PPM1D: variants seen among roughly 807,000 people sequenced by gnomAD.
The protein encoded by PPM1D is protein phosphatase 1D.
PPM1D carries 52 observed loss-of-function variants against 58.3 expected under a neutral mutation model. That is an observed-to-expected ratio of 0.89 (90% CI 0.71 to 1.12). PPM1D has a LOEUF of 1.12. Among genes scored for constraint, PPM1D ranks in the 50% most tolerant of loss-of-function variants. The pLI is 0.00. For missense variants in PPM1D, 564 were observed against 777.2 expected (o/e 0.73, Z 3.26); for synonymous variants, 278 against 285.1 (o/e 0.98, Z 0.25).
chr17:60,651,700 C>T lies in PPM1D; in HGVS notation c.1017+3618C>T, dbSNP rs141675143. On this transcript the variant is annotated intron_variant, in intron 4 of 5. Transcript: ENST00000305921. ...TGTGAACCACCATGCCAAGCCACCACGCCCAGCCGACAGTGTTTTTTATTT... is the reference window on the plus strand; with the variant it reads ...TGTGAACCACCATGCCAAGCCACCATGCCCAGCCGACAGTGTTTTTTATTT... Among the ~76,000 whole-genome samples the T allele has an allele frequency of 6.2e-4, 95 of 152,128 alleles. No individual in the cohort carries two copies. In the East Asian group the frequency reaches 0.014, roughly 23 times the overall value.
intron 1 of PPM1D, among the ~76,000 whole-genome samples, chr17:60,618,383 A>G (rs979611010): frequency 2.6e-5 from 4 of 152,204 alleles, no homozygotes; most frequent in Non-Finnish European, 4.4e-5. Flanking sequence ...GTTACCTGCA[A>G]TGTACCAGTT....
Position 60,665,751 on chromosome 17 carries a change from G to A in PPM1D, c.*2199G>A, listed in dbSNP as rs1288718541. ...TGGTTTTGGTCAAGCTACCAACCAGGGCTACAATCTTTCGAAGGTGTCATT... is the reference window on the plus strand; with the variant it reads ...TGGTTTTGGTCAAGCTACCAACCAGAGCTACAATCTTTCGAAGGTGTCATT... On this transcript the variant is annotated 3_prime_UTR_variant, in exon 6 of 6. Coordinates refer to ENST00000305921, the MANE Select transcript of PPM1D (RefSeq NM_003620.4). The A allele has an allele frequency of 2.6e-5, 4 of 152,116 alleles. No individual in the cohort carries two copies. 9.4% of individuals were successfully genotyped at this position (152,116 alleles called of 1,614,324 possible).
At chr17:60,612,768 A>G (rs1324842006) in intron 1 of PPM1D, among the ~76,000 whole-genome samples, 1 of 152,170 alleles carries the variant, frequency 6.6e-6, no homozygotes, top group Non-Finnish European at 1.5e-5. Context: ...ACGAGAATAA[A>G]TAAGAAACAG....
intron 1 of PPM1D, among the ~76,000 whole-genome samples, chr17:60,611,228 C>T (rs2030447256): frequency 2.6e-5 from 4 of 152,116 alleles, no homozygotes; most frequent in African/African-American, 9.7e-5. Context: ...ACCATGTTGG[C>T]TAGGCTAGTC....
intron 5 of PPM1D, among the ~76,000 whole-genome samples, chr17:60,657,326 T>C (rs1466464752): frequency 1.3e-5 from 2 of 152,232 alleles, no homozygotes; most frequent in African/African-American, 2.4e-5. Flanking sequence ...CTATTTCTTA[T>C]CCATGTTAAT....
At chr17:60,662,914 A>G (rs1346787056) in intron 5 of PPM1D, 81 bp from the exon 6 acceptor site, 16 of 1,337,162 alleles carry the variant, frequency 1.2e-5, no homozygotes, top group Non-Finnish European at 1.6e-5. Context: ...TAGCTTCATA[A>G]GAAGCCTAAT....
In PPM1D at chr17:60,665,512, A is replaced by C. The variant is rs1186352286; in HGVS notation, c.*1960A>C. Reference sequence around the variant, plus strand: ...TGTGAGCCACCGTGCCCAGCCAACTATGCCATTATTTAACCATGTCCACAC... The same window carrying C: ...TGTGAGCCACCGTGCCCAGCCAACTCTGCCATTATTTAACCATGTCCACAC... On this transcript the variant is annotated 3_prime_UTR_variant, in exon 6 of 6. Coordinates refer to ENST00000305921, the MANE Select transcript of PPM1D (RefSeq NM_003620.4). The C allele has an allele frequency of 6.6e-6, 1 of 152,242 alleles. No individual in the cohort carries two copies. Among genetic ancestry groups the C allele is most frequent in the Non-Finnish European group, 1.5e-5 (1 of 68,070 alleles). The allele number at this position is 152,242 out of a possible 1,614,324, so 9.4% of individuals were successfully genotyped here.
chr17:60,633,529 G>C (rs917139636), intron 2 of PPM1D, among the ~76,000 whole-genome samples: 5 of 151,964 alleles, frequency 3.3e-5, no homozygotes, highest in Non-Finnish European at 7.4e-5. Flanking sequence ...TCTCCACTTA[G>C]ATAAGGCCTT....
intron 1 of PPM1D, among the ~76,000 whole-genome samples, chr17:60,606,466 T>C (rs920199105): frequency 2.0e-5 from 3 of 152,226 alleles, no homozygotes; most frequent in Non-Finnish European, 4.4e-5. Context: ...TTTAAGGACT[T>C]GCCAAACTGT....
intron 1 of PPM1D, among the ~76,000 whole-genome samples, chr17:60,613,807 C>T (rs538743730): frequency 7.2e-5 from 11 of 152,298 alleles, no homozygotes; most frequent in South Asian, 2.1e-4. Flanking sequence ...GCTGGCCCAC[C>T]GGCGCTGCGC....
At chr17:60,606,953 A>G (rs1014208093) in intron 1 of PPM1D, among the ~76,000 whole-genome samples, 1 of 151,488 alleles carries the variant, frequency 6.6e-6, no homozygotes. Flanking sequence ...TGTGCCTGCA[A>G]AGTAGCTGAG....
At chr17:60,653,968 G>C (rs912177109) in intron 4 of PPM1D, among the ~76,000 whole-genome samples, 11 of 152,080 alleles carry the variant, frequency 7.2e-5, no homozygotes, top group African/African-American at 2.7e-4. Context: ...CATGTTACCT[G>C]CAAACAAGGC....
intron 1 of PPM1D, among the ~76,000 whole-genome samples, chr17:60,614,576 G>A (rs1269524526): frequency 6.6e-6 from 1 of 152,042 alleles, no homozygotes; most frequent in African/African-American, 2.4e-5. Flanking sequence ...TTGGCAACAC[G>A]GTGGGGTGGC....
intron 1 of PPM1D, among the ~76,000 whole-genome samples, chr17:60,612,820 AT>A (rs2143634094): frequency 6.6e-6 from 1 of 152,196 alleles, no homozygotes; most frequent in Non-Finnish European, 1.5e-5. Context: ...ATTCACTGTC[AT>A]TTTCCAAGAG....
rs939821583 is a variant in PPM1D at position 60,600,218 on chromosome 17, C to G, written c.-197C>G. ...AGTGCGCAGGCGCAACTGCCTGGCT[C>G]TGCTCGCTCCGGCGCTCCGGCCCAG... On this transcript the variant is annotated 5_prime_UTR_variant, in exon 1 of 6. Transcript: ENST00000305921. The G allele has an allele frequency of 8.9e-7, 1 of 1,126,540 alleles. No homozygotes were observed. The highest frequency in any genetic ancestry group is 1.2e-6 in the Non-Finnish European group (1 of 825,114). 69.8% of individuals were successfully genotyped at this position (1,126,540 alleles called of 1,614,324 possible).
Position 60,663,507 on chromosome 17 carries a change from A to C in PPM1D, c.1773A>C (p.Gly591=). Residue 591 remains glycine (G), a synonymous_variant, in exon 6 of 6, where the codon GGA becomes GGC. Transcript: ENST00000305921. ...GACTTAGGGGCCAGAAGAAAATTGG[A>C]AATCCTTTACTTCATCAACACAGGA... ...RRRLRGQKKI[G]NPLLHQHRKT... is the part of the protein sequence containing the mutation. 6.2e-7 allele frequency: 1 copy of C among 1,612,566 alleles called. No individual in the cohort carries two copies. Among genetic ancestry groups the C allele is most frequent in the Non-Finnish European group, 8.5e-7 (1 of 1,180,008 alleles).
At chr17:60,602,847 A>C (rs140851848) in intron 1 of PPM1D, among the ~76,000 whole-genome samples, 1 of 152,022 alleles carries the variant, frequency 6.6e-6, no homozygotes, top group East Asian at 1.9e-4. Context: ...CGAAGGTTTA[A>C]ATTTTTTTTT....
At chr17:60,636,532 G>A (rs1306790744) in intron 3 of PPM1D, among the ~76,000 whole-genome samples, 1 of 152,144 alleles carries the variant, frequency 6.6e-6, no homozygotes, top group Non-Finnish European at 1.5e-5. Context: ...TGAGGGTGGG[G>A]CCTGTATAAT....
intron 3 of PPM1D, among the ~76,000 whole-genome samples, chr17:60,637,616 A>C (rs74991796): frequency 0.024 from 3,727 of 152,212 alleles, 124 homozygotes; most frequent in East Asian, 0.073. Flanking sequence ...TGGAGCTTTC[A>C]ATTTGGGGGA....
Sources: gnomAD v4.1 joint callset for allele counts (sites outside exome capture counted in the v4.1 genomes callset) on GRCh38, gnomAD v4.1.1 for gene constraint, MANE v1.5 for transcripts, NCBI Gene and HGNC (gene_info 2026-07-23, HGNC 2026-07-21) for gene names.